Variants in RIC1 observed in about 807,000 individuals in gnomAD.
RIC1 encodes the protein guanine nucleotide exchange factor subunit RIC1.
In RIC1, 88 loss-of-function variants were observed where a neutral mutation model predicts 169.0. The ratio of observed to expected loss-of-function variants is 0.52; its 90% confidence interval spans 0.44 to 0.62. RIC1 has a LOEUF of 0.62. Among genes scored for constraint, RIC1 ranks in the 20% least tolerant of loss-of-function variants. RIC1 has a pLI of 0.00. For missense variants in RIC1, 1,877 were observed against 1,725.5 expected (o/e 1.09, Z -1.56); for synonymous variants, 790 against 601.5 (o/e 1.31, Z -4.59).
chr9:5,724,325 T>C (rs188288357), intron 6 of RIC1, among the ~76,000 whole-genome samples: 1,729 of 152,326 alleles, frequency 0.011, 49 homozygotes, highest in African/African-American at 0.04. Context: ...GAAGCAATTG[T>C]GAATGGGAGT....
chr9:5,735,648 A>G (rs936253365), intron 7 of RIC1, among the ~76,000 whole-genome samples: 1 of 152,218 alleles, frequency 6.6e-6, no homozygotes, highest in Non-Finnish European at 1.5e-5. Context: ...ATCTGCCAAC[A>G]CTTATCAGGA....
chr9:5,721,163 A>G (rs1158770172), intron 6 of RIC1, among the ~76,000 whole-genome samples: 2 of 152,028 alleles, frequency 1.3e-5, no homozygotes, highest in Non-Finnish European at 2.9e-5. Context: ...TGTTCCCATT[A>G]TAGTTATTGT....
At position 5,672,352 on chromosome 9, in the gene RIC1, T is replaced by C. The variant is rs561454565; in HGVS notation, c.252+15662T>C. 3.3e-5 allele frequency among the ~76,000 whole-genome samples: 5 copies of C among 152,332 alleles called. No homozygotes were observed. The East Asian group carries it at 9.6e-4, about 29-fold the overall frequency. On this transcript the variant is annotated intron_variant, in intron 2 of 25. Transcript: ENST00000414202. ...GCCACAGGGATGAGACAGAAGAATG[T>C]AGTAAATTAAGAAAAAAATTACTAA...
At chr9:5,632,749 G>A (rs750733315) in intron 1 of RIC1, among the ~76,000 whole-genome samples, 8 of 152,304 alleles carry the variant, frequency 5.3e-5, no homozygotes, top group Admixed American at 1.3e-4. Flanking sequence ...TATGATTGAC[G>A]TAGGTGTAGT....
intron 3 of RIC1, among the ~76,000 whole-genome samples, chr9:5,699,154 C>A (rs1474311278): frequency 2.0e-5 from 3 of 152,170 alleles, no homozygotes; most frequent in African/African-American, 4.8e-5. Flanking sequence ...AATGTCATAA[C>A]ATCGATGAGG....
At chr9:5,651,228 G>A (rs145007723) in intron 1 of RIC1, among the ~76,000 whole-genome samples, 53 of 152,274 alleles carry the variant, frequency 3.5e-4, no homozygotes, top group African/African-American at 1.2e-3. Context: ...GCTCCAGGTC[G>A]ATAAAGGCCA....
chr9:5,737,860 G>A (rs1244421401), intron 7 of RIC1, among the ~76,000 whole-genome samples: 2 of 151,698 alleles, frequency 1.3e-5, no homozygotes, highest in East Asian at 3.9e-4. Flanking sequence ...AAAATTATAA[G>A]GAAGAAATAA....
chr9:5,732,267 C>T, intron 6 of RIC1, 121 bp from the exon 7 acceptor site: 2 of 729,352 alleles, frequency 2.7e-6, no homozygotes, highest in Non-Finnish European at 4.6e-6. Context: ...GGATATTTTC[C>T]TCTGCAGATG....
chr9:5,771,794 G>C (rs187836768), intron 23 of RIC1, among the ~76,000 whole-genome samples: 1 of 152,214 alleles, frequency 6.6e-6, no homozygotes, highest in Admixed American at 6.5e-5. Context: ...TAATAATATA[G>C]TGGGTTCTCC....
chr9:5,752,751 T>A (rs535731742), intron 12 of RIC1, among the ~76,000 whole-genome samples: 2 of 152,318 alleles, frequency 1.3e-5, no homozygotes, highest in Admixed American at 1.3e-4. Flanking sequence ...ATTGCTGTTT[T>A]AATCAGAAAA....
At chr9:5,737,725 T>G (rs897714656) in intron 7 of RIC1, among the ~76,000 whole-genome samples, 2 of 151,690 alleles carry the variant, frequency 1.3e-5, no homozygotes, top group African/African-American at 4.8e-5. Context: ...TTTTAACTAC[T>G]AATAGCATAC....
chr9:5,660,646 G>A (rs879025772), intron 2 of RIC1, among the ~76,000 whole-genome samples: 1 of 151,658 alleles, frequency 6.6e-6, no homozygotes, highest in African/African-American at 2.4e-5. Context: ...CCACATTTAT[G>A]TCTTCTTTTG....
chr9:5,773,770 A>G (rs186767530), intron 25 of RIC1, among the ~76,000 whole-genome samples, 188 bp from the exon 26 acceptor site: 107 of 152,266 alleles, frequency 7.0e-4, no homozygotes, highest in African/African-American at 2.4e-3. Context: ...GGCTTATGCA[A>G]TGTGCAGCCC....
intron 17 of RIC1, among the ~76,000 whole-genome samples, 160 bp from the exon 18 acceptor site, chr9:5,762,381 C>T (rs971746758): frequency 2.0e-5 from 3 of 152,200 alleles, no homozygotes; most frequent in Non-Finnish European, 4.4e-5. Context: ...AGCCAGAAAG[C>T]TCCTTATATT....
chr9:5,677,220 G>A (rs757680430), intron 2 of RIC1, among the ~76,000 whole-genome samples: 5 of 152,048 alleles, frequency 3.3e-5, no homozygotes, highest in Non-Finnish European at 7.4e-5. Flanking sequence ...TAGTCATTCT[G>A]GTAGTGGTGT....
rs537098322 is a variant in RIC1 at position 5,639,208 on chromosome 9, T to G, written c.144+9755T>G. Among the ~76,000 whole-genome samples, 3 of 152,274 alleles carry G rather than the reference T, an allele frequency of 2.0e-5. No individual in the cohort carries two copies. The South Asian group carries it at 6.2e-4, about 32-fold the overall frequency. ...GCATGAGCCACTATACCCGGCCATTTTTCTTCTTTTATGGTGTAATACTTA... is the reference window on the plus strand; with the variant it reads ...GCATGAGCCACTATACCCGGCCATTGTTCTTCTTTTATGGTGTAATACTTA... On this transcript the variant is annotated intron_variant, in intron 1 of 25. Transcript: ENST00000414202.
intron 1 of RIC1, among the ~76,000 whole-genome samples, chr9:5,650,113 C>T (rs915988398): frequency 2.0e-5 from 3 of 152,114 alleles, no homozygotes; most frequent in African/African-American, 7.2e-5. Context: ...CCAGGGTACA[C>T]AGGCATGGTG....
chr9:5,670,119 T>G (rs902668960), intron 2 of RIC1, among the ~76,000 whole-genome samples: 1 of 152,230 alleles, frequency 6.6e-6, no homozygotes, highest in Admixed American at 6.5e-5. Flanking sequence ...AAATTTTACT[T>G]TGCCTGTATG....
chr9:5,743,717 C>G lies in RIC1; in HGVS notation c.1075C>G (p.Pro359Ala). 1 of 1,610,328 alleles carries G rather than the reference C, an allele frequency of 6.2e-7. No homozygotes were observed. The highest frequency in any genetic ancestry group is 8.5e-7 in the Non-Finnish European group (1 of 1,177,282). The change falls in exon 10 of 26, where the codon CCC (proline) becomes GCC (alanine). Residue 359 changes from proline (P) to alanine (A), a missense_variant. Physicochemically the swap from Pro to Ala is conservative, Grantham distance 27. This residue lies in a region of RIC1 where 1,104 missense variants were observed against 992.0 expected (regional missense o/e 1.11). Coordinates refer to ENST00000414202, the MANE Select transcript of RIC1 (RefSeq NM_020829.4). The stretch of plus-strand genomic sequence containing the variant: ...TAGGTCTGATGGCACCAAAAAAGAT[C>G]CCCTTAAGATCAACTCTATGGTAAG... ...AYRSDGTKKDPLKINSMSWGA... is the reference protein window; with the variant it reads ...AYRSDGTKKDALKINSMSWGA...
Sources: gnomAD v4.1 joint callset for allele counts (sites outside exome capture counted in the v4.1 genomes callset) on GRCh38, gnomAD v4.1.1 for gene constraint, gnomAD v4.1.1 regional missense constraint, MANE v1.5 for transcripts, NCBI Gene and HGNC (gene_info 2026-07-23, HGNC 2026-07-21) for gene names.